Variants in RNF144B observed in about 807,000 individuals in gnomAD.
RNF144B encodes ring finger protein 144B, also known as E3 ubiquitin-protein ligase RNF144B.
RNF144B carries 25 observed loss-of-function variants against 40.2 expected under a neutral mutation model. The observed-to-expected ratio is 0.62, with a 90% CI of 0.45 to 0.87. The LOEUF (loss-of-function observed/expected upper bound fraction) is 0.87, where lower values mean the gene tolerates loss of function less well. Among genes scored for constraint, RNF144B ranks in the 40% least tolerant of loss-of-function variants. The pLI is 0.00. For synonymous variants in RNF144B, 145 were observed against 136.3 expected, an observed-to-expected ratio of 1.06 and a Z score of -0.44; for missense variants, 365 against 373.7, an observed-to-expected ratio of 0.98 and a Z score of 0.19.
At chr6:18,453,149 T>C (rs1759248339) in intron 4 of RNF144B, among the ~76,000 whole-genome samples, 1 of 147,610 alleles carries the variant, frequency 6.8e-6, no homozygotes, top group African/African-American at 2.5e-5. Context: ...TTTTTTTTTT[T>C]TTTTTTTGAG....
At chr6:18,396,721 C>A in intron 1 of RNF144B, 1 of 985,282 alleles carries the variant, frequency 1.0e-6, no homozygotes, top group Non-Finnish European at 1.2e-6. Flanking sequence ...GGTGAGAAGA[C>A]AACAGATGGG....
chr6:18,463,434 G>T, intron 7 of RNF144B, 54 bp downstream of exon 7: 1 of 1,016,324 alleles, frequency 9.8e-7, no homozygotes, highest in South Asian at 1.3e-5. Flanking sequence ...ATGGCTTAAA[G>T]AGCCCACCTC....
intron 2 of RNF144B, among the ~76,000 whole-genome samples, chr6:18,413,518 T>C (rs1335366344): frequency 6.6e-6 from 1 of 152,180 alleles, no homozygotes; most frequent in African/African-American, 2.4e-5. Context: ...GGTAAGTTAT[T>C]TGAGGAAACC....
chr6:18,440,203 G>A (rs1758928734), intron 4 of RNF144B, among the ~76,000 whole-genome samples: 2 of 152,094 alleles, frequency 1.3e-5, no homozygotes, highest in African/African-American at 2.4e-5. Context: ...GTATGGATAT[G>A]TATCATTCTT....
At chr6:18,411,849 G>A (rs979673293) in intron 2 of RNF144B, among the ~76,000 whole-genome samples, 5 of 152,064 alleles carry the variant, frequency 3.3e-5, no homozygotes, top group African/African-American at 1.2e-4. Context: ...TCACTTAATA[G>A]AGAAATGGGA....
At chr6:18,402,960 A>G (rs1450170492) in intron 2 of RNF144B, among the ~76,000 whole-genome samples, 1 of 152,262 alleles carries the variant, frequency 6.6e-6, no homozygotes, top group Non-Finnish European at 1.5e-5. Flanking sequence ...GTCATAGAAC[A>G]TGAGGTGTAT....
intron 3 of RNF144B, among the ~76,000 whole-genome samples, chr6:18,435,272 AGTG>A (rs1043426728): frequency 2.0e-5 from 3 of 152,244 alleles, no homozygotes; most frequent in African/African-American, 7.2e-5. Flanking sequence ...ATCTCAGGGT[AGTG>A]GTCTCTTGAT....
intron 3 of RNF144B, among the ~76,000 whole-genome samples, chr6:18,429,500 G>GT (rs1028173199): frequency 2.6e-5 from 4 of 152,202 alleles, no homozygotes; most frequent in African/African-American, 9.6e-5. Context: ...GAGATATAAC[G>GT]TTTTTTAGGG....
In RNF144B at chr6:18,458,646, G is replaced by A. The variant is rs1260350071; in HGVS notation, c.537-961G>A. 6.6e-6 allele frequency among the ~76,000 whole-genome samples: 1 copy of A among 152,158 alleles called. No homozygotes were observed. Among genetic ancestry groups the A allele is most frequent in the Non-Finnish European group, 1.5e-5 (1 of 68,038 alleles). Reference sequence around the variant, plus strand: ...TGACATTGTCACTCGGTATCTGTGTGTCTCATAGAAGCCACTCAGCCTCTG... The same window carrying A: ...TGACATTGTCACTCGGTATCTGTGTATCTCATAGAAGCCACTCAGCCTCTG... On this transcript the variant is annotated intron_variant, in intron 5 of 7. Transcript: ENST00000259939. This position sits in a 1 kb window ranked among gnomAD's most constrained non-coding sequence, Gnocchi z 4.8.
In RNF144B at chr6:18,459,560, C is replaced by CTGA; in HGVS notation, c.537-43_537-41dup. The CTGA allele has an allele frequency of 6.3e-7, 1 of 1,593,496 alleles. No homozygotes were observed. The highest frequency in any genetic ancestry group is 8.6e-7 in the Non-Finnish European group (1 of 1,164,882). On this transcript the variant is annotated intron_variant, in intron 5 of 7. Transcript: ENST00000259939. The surrounding 1 kb of genome is among the most constrained non-coding windows in gnomAD (Gnocchi z 4.2). ...ACCATCAGGAGCCCTGGGAATTCAA[C>CTGA]TGATGACCATCAGCTGAATGCCATT...
Position 18,467,422 on chromosome 6 carries a change from C to T in RNF144B, c.*2355C>T, listed in dbSNP as rs1325988569. The T allele has an allele frequency of 3.5e-4, 6 of 16,996 alleles. No individual in the cohort carries two copies. Among genetic ancestry groups the T allele is most frequent in the African/African-American group, 1.8e-3 (5 of 2,748 alleles). The allele number at this position is 16,996 out of a possible 1,614,324, so 1.1% of individuals were successfully genotyped here. ...TTTGTTTTTTTTTTTTTTTTTTTGC[C>T]AGGGCTATGGAGTGGGGGTTGTTTG... On this transcript the variant is annotated 3_prime_UTR_variant, in exon 8 of 8. Coordinates refer to ENST00000259939, the MANE Select transcript of RNF144B (RefSeq NM_182757.4).
chr6:18,426,757 AAT>A (rs1758564746), intron 2 of RNF144B, among the ~76,000 whole-genome samples: 2 of 120,678 alleles, frequency 1.7e-5, no homozygotes. Context: ...TTTTCTATTC[AAT>A]GTCTTCTCTG....
At chr6:18,415,315 A>G (rs1446755173) in intron 2 of RNF144B, among the ~76,000 whole-genome samples, 2 of 152,156 alleles carry the variant, frequency 1.3e-5, no homozygotes, top group African/African-American at 2.4e-5. Context: ...TCCACTACTC[A>G]TAGTTCTGAA....
rs370598770 is a variant in RNF144B, at chr6:18,421,206, C to T, written c.166-6375C>T. On this transcript the variant is annotated intron_variant, in intron 2 of 7. Coordinates refer to ENST00000259939, the MANE Select transcript of RNF144B (RefSeq NM_182757.4). ...GGCAGAGGTTGCAGTGAGCTGAGATCGTACCACTTCACTCCAGCCTGGGTG... is the reference window on the plus strand; with the variant it reads ...GGCAGAGGTTGCAGTGAGCTGAGATTGTACCACTTCACTCCAGCCTGGGTG... Among the ~76,000 whole-genome samples, 24 of 149,378 alleles carry T rather than the reference C, an allele frequency of 1.6e-4. No homozygotes were observed. In the East Asian group the frequency reaches 2.2e-3, roughly 14 times the overall value.
intron 3 of RNF144B, among the ~76,000 whole-genome samples, chr6:18,437,207 G>A (rs1379623233): frequency 6.6e-6 from 1 of 152,182 alleles, no homozygotes; most frequent in Non-Finnish European, 1.5e-5. Flanking sequence ...GGGAAGCCAA[G>A]ACAGGAAGAT....
In RNF144B at chr6:18,418,805, A is replaced by G. The variant is rs1795196924; in HGVS notation, c.166-8776A>G. 6.6e-6 allele frequency among the ~76,000 whole-genome samples: 1 copy of G among 151,410 alleles called. No homozygotes were observed. Among genetic ancestry groups the G allele is most frequent in the Non-Finnish European group, 1.5e-5 (1 of 67,872 alleles). ...AATATAAAATATATAATATTTACAT[A>G]TCATATATAATAATGCTATATATAT... On this transcript the variant is annotated intron_variant, in intron 2 of 7. Transcript: ENST00000259939. The surrounding 1 kb of genome is among the most constrained non-coding windows in gnomAD (Gnocchi z 5.2).
intron 1 of RNF144B, among the ~76,000 whole-genome samples, chr6:18,388,947 T>G (rs1041512096): frequency 6.6e-6 from 1 of 152,086 alleles, no homozygotes; most frequent in African/African-American, 2.4e-5. Flanking sequence ...AAAAAGATGT[T>G]GAGTAGTAGA....
intron 1 of RNF144B, chr6:18,396,836 T>A (rs1794702436): frequency 5.1e-6 from 5 of 984,468 alleles, no homozygotes; most frequent in Non-Finnish European, 1.2e-6. Context: ...AAGTCATTCA[T>A]TTTTACCCGT....
chr6:18,426,382 T>A (rs1211640589), intron 2 of RNF144B, among the ~76,000 whole-genome samples: 1 of 152,208 alleles, frequency 6.6e-6, no homozygotes, highest in African/African-American at 2.4e-5. Context: ...AGCAAATTAG[T>A]AGAAGTTGAA....
Sources: gnomAD v4.1 joint callset for allele counts (sites outside exome capture counted in the v4.1 genomes callset) on GRCh38, gnomAD v4.1.1 for gene constraint, Gnocchi (gnomAD v3.1) non-coding constraint, MANE v1.5 for transcripts, NCBI Gene and HGNC (gene_info 2026-07-23, HGNC 2026-07-21) for gene names.